DGKZ: variants seen among roughly 807,000 people sequenced by gnomAD.
DGKZ encodes DAG kinase zeta.
A neutral mutation model predicts 142.5 loss-of-function variants in DGKZ; 45 were observed. The ratio of observed to expected loss-of-function variants is 0.32; its 90% confidence interval spans 0.25 to 0.40. DGKZ has a LOEUF of 0.40. Among genes scored for constraint, DGKZ ranks in the 10% least tolerant of loss-of-function variants. The pLI is 1.00. For synonymous variants in DGKZ, 442 were observed against 527.0 expected, an observed-to-expected ratio of 0.84 and a Z score of 2.21; for missense variants, 755 against 1,306.5, an observed-to-expected ratio of 0.58 and a Z score of 6.51.
At chr11:46,364,643 G>A in intron 1 of DGKZ, 1 of 985,416 alleles carries the variant, frequency 1.0e-6, no homozygotes, top group Non-Finnish European at 1.2e-6. Context: ...CCTGTACCTG[G>A]CCTGAAGCTG....
chr11:46,374,147 C>T lies in DGKZ; in HGVS notation c.1327-10C>T, dbSNP rs752540854. The T allele has an allele frequency of 3.1e-6, 5 of 1,614,020 alleles. No individual in the cohort carries two copies. The highest frequency in any genetic ancestry group is 3.4e-6 in the Non-Finnish European group (4 of 1,180,016). On this transcript the variant is annotated splice_polypyrimidine_tract_variant and intron_variant, in intron 14 of 30. Transcript: ENST00000527911. ...CCAGCCCTCATTTTGGTCCCTTGAC[C>T]TTTTTCCAGTTGCCCCTGGATGTCT...
At chr11:46,365,823 C>G in intron 1 of DGKZ, 1 of 985,436 alleles carries the variant, frequency 1.0e-6, no homozygotes, top group South Asian at 4.7e-5. Flanking sequence ...TCCAGGCAGA[C>G]CGACTCCCCA....
chr11:46,377,888 A>G (rs1237649907), intron 25 of DGKZ: 1 of 442,938 alleles, frequency 2.3e-6, no homozygotes, highest in East Asian at 4.8e-5. Context: ...CCTTGGAGAG[A>G]TCACTCCCAG....
In DGKZ at chr11:46,372,957, C is replaced by G. The variant is rs1462738727; in HGVS notation, c.1186-4C>G. On this transcript the variant is annotated splice_polypyrimidine_tract_variant and splice_region_variant and intron_variant, in intron 13 of 30. Transcript: ENST00000527911. The surrounding 1 kb of genome is among the most constrained non-coding windows in gnomAD (Gnocchi z 5.9). The stretch of plus-strand genomic sequence containing the variant: ...GAGGGCTCAGTCCCTGCCTGCTCCC[C>G]CAGGGCTACACAGATGAGCCTGTGT... The G allele has an allele frequency of 1.9e-6, 3 of 1,549,566 alleles. No homozygotes were observed. Among genetic ancestry groups the G allele is most frequent in the African/African-American group, 2.7e-5 (2 of 73,108 alleles).
At chr11:46,362,129 C>T (rs1441656310) in intron 1 of DGKZ, among the ~76,000 whole-genome samples, 4 of 152,132 alleles carry the variant, frequency 2.6e-5, no homozygotes, top group East Asian at 1.9e-4. Flanking sequence ...GGAGCAGAGC[C>T]GAGGGGGTTC....
chr11:46,335,345 T>C (rs1043975700), intron 1 of DGKZ, among the ~76,000 whole-genome samples: 1 of 144,470 alleles, frequency 6.9e-6, no homozygotes, highest in Non-Finnish European at 1.5e-5. Context: ...GAGGCCAGAG[T>C]GGAGTGGAGA....
At position 46,338,784 on chromosome 11, in the gene DGKZ, G is replaced by A. The variant is rs1047475422; in HGVS notation, c.212+5297G>A. The A allele has an allele frequency of 2.6e-5, 4 of 152,146 alleles. No homozygotes were observed. In the East Asian group the frequency reaches 7.7e-4, roughly 29 times the overall value. 9.4% of individuals were successfully genotyped at this position (152,146 alleles called of 1,614,324 possible). A position where few individuals can be genotyped will look rare whatever the true frequency, so the allele number is the denominator to read the frequency against. Reference sequence around the variant, plus strand: ...AGTTGGGTAAGAGGCTTTCACTTCTGACCCTGTTTCCTCACACGGAAAATG... The same window carrying A: ...AGTTGGGTAAGAGGCTTTCACTTCTAACCCTGTTTCCTCACACGGAAAATG... On this transcript the variant is annotated intron_variant, in intron 1 of 30. Coordinates refer to the DGKZ transcript ENST00000343674.
intron 1 of DGKZ, chr11:46,366,213 T>C: frequency 6.6e-7 from 1 of 1,523,558 alleles, no homozygotes; most frequent in Non-Finnish European, 8.7e-7. Flanking sequence ...CTGATCCAGC[T>C]CCTGATGCTC....
intron 1 of DGKZ, chr11:46,364,656 C>T (rs1051916664): frequency 8.0e-5 from 79 of 985,350 alleles, no homozygotes; most frequent in East Asian, 1.1e-4. Context: ...TGAAGCTGCT[C>T]AAGACCTGCA....
chr11:46,344,412 C>T (rs1940433161), upstream of DGKZ, among the ~76,000 whole-genome samples: 1 of 151,356 alleles, frequency 6.6e-6, no homozygotes, highest in Non-Finnish European at 1.5e-5. Flanking sequence ...GTCAACCTTC[C>T]TATCTCTTCT....
At chr11:46,345,350 C>A (rs1328934770), upstream of DGKZ, 6 of 1,391,390 alleles carry the variant, frequency 4.3e-6, no homozygotes, top group Middle Eastern at 2.6e-4. This position sits in a 1 kb window ranked among gnomAD's most constrained non-coding sequence, Gnocchi z 4.1. Flanking sequence ...CTAGCAGGCC[C>A]CCCCCTCGAC....
intron 4 of DGKZ, chr11:46,368,381 T>G: frequency 2.4e-6 from 1 of 419,190 alleles, no homozygotes. Context: ...AAACTAGTGC[T>G]TAGAAGAGGC....
intron 1 of DGKZ, among the ~76,000 whole-genome samples, chr11:46,352,920 C>A (rs1233997430): frequency 6.6e-6 from 1 of 152,220 alleles, no homozygotes; most frequent in African/African-American, 2.4e-5. Context: ...CAAAACTAAC[C>A]AAATGCCCTG....
At chr11:46,373,957 G>A (rs897051205) in intron 14 of DGKZ, among the ~76,000 whole-genome samples, 200 bp from the exon 15 acceptor site, 1 of 152,256 alleles carries the variant, frequency 6.6e-6, no homozygotes, top group East Asian at 1.9e-4. Flanking sequence ...CTGCAGGCAC[G>A]CAGGGAAATC....
chr11:46,375,945 G>A, exon 21 of DGKZ: 12 of 1,609,646 alleles, frequency 7.5e-6, no homozygotes, highest in Non-Finnish European at 1.0e-5. Context: ...GCAGCTCAAG[G>A]AGGCCTGTGA....
At chr11:46,375,067 G>C in intron 19 of DGKZ, 22 bp downstream of exon 19, 1 of 1,558,832 alleles carries the variant, frequency 6.4e-7, no homozygotes, top group East Asian at 2.3e-5. Context: ...CTGGGCCCAT[G>C]GTGCCTGGGA....
chr11:46,373,084 G>A (rs1477714149), exon 14 of DGKZ: 1 of 1,544,124 alleles, frequency 6.5e-7, no homozygotes. Flanking sequence ...GGACCGAGAT[G>A]AAGGCGCCAC....
At chr11:46,373,060 G>A (rs780998105) in exon 14 of DGKZ, 11 of 1,544,010 alleles carry the variant, frequency 7.1e-6, no homozygotes, top group South Asian at 4.8e-5. Flanking sequence ...GCCCAACCCC[G>A]AGGCAGGGCC....
At chr11:46,365,620 C>G in intron 1 of DGKZ, 1 of 985,396 alleles carries the variant, frequency 1.0e-6, no homozygotes, top group Non-Finnish European at 1.2e-6. Flanking sequence ...TCACCTTCAG[C>G]CTGACCCCAA....
Sources: allele counts gnomAD v4.1 joint callset (sites outside exome capture counted in the v4.1 genomes callset), GRCh38; gene constraint gnomAD v4.1.1; non-coding constraint Gnocchi (gnomAD v3.1); transcripts MANE v1.5; gene names NCBI Gene and HGNC (gene_info 2026-07-23, HGNC 2026-07-21).